Variants in CGAS observed in about 807,000 individuals in gnomAD.
CGAS encodes the protein 2'3'-cGAMP synthase.
A neutral mutation model predicts 34.0 loss-of-function variants in CGAS; 31 were observed. The observed-to-expected ratio is 0.91, with a 90% CI of 0.69 to 1.23. The LOEUF is 1.23. Ranked by LOEUF, CGAS falls within the 50% of genes most tolerant of loss-of-function variation. CGAS has a pLI of 0.00. For missense variants in CGAS, 597 were observed against 657.6 expected, an observed-to-expected ratio of 0.91 and a Z score of 1.01; for synonymous variants, 266 against 260.0, an observed-to-expected ratio of 1.02 and a Z score of -0.22.
In CGAS at chr6:73,451,548, C is replaced by G. The variant is rs369422354; in HGVS notation, c.634G>C (p.Gly212Arg). ...ACCTTCACGTGCTCATAGTAGCTCC[C>G]GGTGTTCAGCAGCCCGACGCCTCTG... ...AFRGVGLLNT[G>R]SYYEHVKISA... Residue 212 changes from glycine to arginine, a missense_variant, in exon 1 of 5, where the codon GGG (glycine) becomes CGG (arginine). Coordinates refer to ENST00000370315, the MANE Select transcript of CGAS (RefSeq NM_138441.3). 9 of 1,587,258 alleles carry G rather than the reference C, an allele frequency of 5.7e-6. No individual in the cohort carries two copies. Among genetic ancestry groups the G allele is most frequent in the Admixed American group, 1.8e-5 (1 of 55,704 alleles).
Position 73,451,973 on chromosome 6 carries a change from T to C in CGAS, c.209A>G (p.Glu70Gly), listed in dbSNP as rs913614476. Reference protein sequence around the residue: ...RQKKSAPDTQERPPVRATGAR... With the variant: ...RQKKSAPDTQGRPPVRATGAR... Reference sequence around the variant, plus strand: ...CCCAGTTGCGCGGACGGGCGGCCTCTCCTGGGTGTCCGGGGCGCTCTTTTT... The same window carrying C: ...CCCAGTTGCGCGGACGGGCGGCCTCCCCTGGGTGTCCGGGGCGCTCTTTTT... The change falls in exon 1 of 5, where the codon GAG becomes GGG. Residue 70 changes from glutamate to glycine, a missense_variant. Physicochemically the swap from Glu to Gly is moderately conservative, Grantham distance 98. Transcript: ENST00000370315. 5.4e-6 allele frequency: 8 copies of C among 1,482,528 alleles called. No homozygotes were observed. Among genetic ancestry groups the C allele is most frequent in the Non-Finnish European group, 7.2e-6 (8 of 1,114,862 alleles). 91.8% of individuals were successfully genotyped at this position (1,482,528 alleles called of 1,614,324 possible).
chr6:73,439,542 A>G (rs1289055479), intron 3 of CGAS, among the ~76,000 whole-genome samples: 1 of 151,930 alleles, frequency 6.6e-6, no homozygotes, highest in African/African-American at 2.4e-5. Flanking sequence ...CTTCAAAAAT[A>G]TCACCATTAT....
At position 73,452,032 on chromosome 6, in the gene CGAS, C is replaced by A. The variant is rs761478616; in HGVS notation, c.150G>T (p.Lys50Asn). The part of the protein sequence containing the change: ...APEAALPKAG[K>N]FGPARKSGSR... ...ATCCCGACTTCCTGGCGGGGCCGAA[C>A]TTTCCCGCCTTAGGCAGGGCGGCCT... The change falls in exon 1 of 5, where the codon AAG (lysine) becomes AAT (asparagine). Residue 50 changes from lysine to asparagine, a missense_variant. Coordinates refer to ENST00000370315, the MANE Select transcript of CGAS (RefSeq NM_138441.3). 3.0e-5 allele frequency: 45 copies of A among 1,494,664 alleles called. No individual in the cohort carries two copies. The highest frequency in any genetic ancestry group is 2.9e-4 in the South Asian group (22 of 76,618). The allele number at this position is 1,494,664 out of a possible 1,614,324, so 92.6% of individuals were successfully genotyped here. A position where few individuals can be genotyped will look rare whatever the true frequency, so the allele number is the denominator to read the frequency against.
chr6:73,438,694 C>CAA lies in CGAS; in HGVS notation c.1114+1513_1114+1514dup, dbSNP rs67479262. 7.3e-3 allele frequency among the ~76,000 whole-genome samples: 857 copies of CAA among 116,648 alleles called. 5 individuals are homozygous for CAA. The highest frequency in any genetic ancestry group is 0.014 in the Middle Eastern group (3 of 220). 76.5% of individuals were successfully genotyped at this position (116,648 alleles called of 152,430 possible). On this transcript the variant is annotated intron_variant, in intron 3 of 4. Coordinates refer to ENST00000370315, the MANE Select transcript of CGAS (RefSeq NM_138441.3). ...TGGGCAACAAAGCAAGAATCCGTCT[C>CAA]AAAAAAAAAAAAAAAAAAGAACTGC...
chr6:73,426,012 C>T (rs751529213), intron 4 of CGAS, among the ~76,000 whole-genome samples: 7 of 145,776 alleles, frequency 4.8e-5, no homozygotes, highest in Non-Finnish European at 9.0e-5. Flanking sequence ...AAGCCGGGCG[C>T]GGTGGCTCAT....
chr6:73,442,439 C>G (rs1419704997), intron 2 of CGAS, among the ~76,000 whole-genome samples: 2 of 150,404 alleles, frequency 1.3e-5, no homozygotes, highest in Non-Finnish European at 3.0e-5. Flanking sequence ...CCCGTTCTGT[C>G]ACCCAGGCTG....
At chr6:73,429,019 C>T (rs1470401476) in intron 3 of CGAS, among the ~76,000 whole-genome samples, 1 of 151,698 alleles carries the variant, frequency 6.6e-6, no homozygotes, top group East Asian at 1.9e-4. Flanking sequence ...AAACCCATCT[C>T]TACCAAAAAT....
chr6:73,446,823 C>T (rs1188680361), intron 1 of CGAS, among the ~76,000 whole-genome samples: 1 of 150,918 alleles, frequency 6.6e-6, no homozygotes, highest in African/African-American at 2.4e-5. Context: ...TTTGGGAGGA[C>T]GAGGCAGGCG....
In CGAS at chr6:73,434,525, C is replaced by T. The variant is rs993209815; in HGVS notation, c.1114+5684G>A. ...CTAGTACTCCTCAAAACTGTTAAAA[C>T]CAAAAAACTGTCACAGTCAAGAGTA... On this transcript the variant is annotated intron_variant, in intron 3 of 4. Transcript: ENST00000370315. 5.9e-5 allele frequency among the ~76,000 whole-genome samples: 9 copies of T among 152,126 alleles called. No homozygotes were observed. The South Asian group carries it at 8.3e-4, about 14-fold the overall frequency.
intron 2 of CGAS, among the ~76,000 whole-genome samples, chr6:73,442,089 T>G (rs1770389094): frequency 6.6e-6 from 1 of 152,108 alleles, no homozygotes; most frequent in Non-Finnish European, 1.5e-5. Context: ...GCCAGGCTGG[T>G]CTTGAACTCT....
At chr6:73,445,203 AAT>A (rs747612161) in intron 2 of CGAS, among the ~76,000 whole-genome samples, 1 of 151,672 alleles carries the variant, frequency 6.6e-6, no homozygotes, top group Non-Finnish European at 1.5e-5. Context: ...TTTATCCATC[AAT>A]TTAATAAATA....
chr6:73,443,398 C>G (rs935296269), intron 2 of CGAS, among the ~76,000 whole-genome samples: 2 of 151,970 alleles, frequency 1.3e-5, no homozygotes. Context: ...GCCACCACGC[C>G]CGGCTAGTTT....
Position 73,425,617 on chromosome 6 carries a change from T to C in CGAS, c.1218-39A>G, listed in dbSNP as rs746540765. On this transcript the variant is annotated intron_variant, in intron 4 of 4. Transcript: ENST00000370315. ...AAGGAAAACACTTATTTTTACTTATTTACATTCAACAAAGGATTTTAGGCA... is the reference window on the plus strand; with the variant it reads ...AAGGAAAACACTTATTTTTACTTATCTACATTCAACAAAGGATTTTAGGCA... The C allele has an allele frequency of 1.0e-5, 14 of 1,368,662 alleles. No homozygotes were observed. The highest frequency in any genetic ancestry group is 1.4e-5 in the Non-Finnish European group (14 of 996,750). 84.8% of individuals were successfully genotyped at this position (1,368,662 alleles called of 1,614,324 possible). A position where few individuals can be genotyped will look rare whatever the true frequency, so the allele number is the denominator to read the frequency against.
At chr6:73,450,312 G>A (rs1770542327) in intron 1 of CGAS, among the ~76,000 whole-genome samples, 1 of 151,780 alleles carries the variant, frequency 6.6e-6, no homozygotes, top group Non-Finnish European at 1.5e-5. Flanking sequence ...CTACTCAGGA[G>A]GCTGAGACAG....
chr6:73,425,680 A>G (rs1473327916), intron 4 of CGAS, 102 bp from the exon 5 acceptor site: 10 of 766,418 alleles, frequency 1.3e-5, no homozygotes, highest in African/African-American at 3.5e-5. Context: ...GATATATAAT[A>G]ACATAAATAT....
chr6:73,446,936 G>C (rs1408032940), intron 1 of CGAS, among the ~76,000 whole-genome samples: 1 of 151,330 alleles, frequency 6.6e-6, no homozygotes, highest in South Asian at 2.1e-4. Context: ...TGCACCTGTA[G>C]TTCCAGCTAC....
intron 3 of CGAS, among the ~76,000 whole-genome samples, chr6:73,432,914 T>G (rs1341451929): frequency 6.6e-6 from 1 of 152,048 alleles, no homozygotes; most frequent in Non-Finnish European, 1.5e-5. Flanking sequence ...TGAAACCCTA[T>G]CTCTACTAAA....
chr6:73,434,711 G>A (rs1237957491), intron 3 of CGAS, among the ~76,000 whole-genome samples: 1 of 151,862 alleles, frequency 6.6e-6, no homozygotes, highest in Non-Finnish European at 1.5e-5. Flanking sequence ...GCAGTGGCAT[G>A]ATCTTGGCTC....
intron 1 of CGAS, among the ~76,000 whole-genome samples, chr6:73,449,952 C>T (rs935409517): frequency 2.0e-5 from 3 of 151,440 alleles, no homozygotes; most frequent in Non-Finnish European, 4.4e-5. Context: ...ACCTAGATGG[C>T]ACCACTGCAC....
Sources: gnomAD v4.1 joint callset for allele counts (sites outside exome capture counted in the v4.1 genomes callset) on GRCh38, gnomAD v4.1.1 for gene constraint, MANE v1.5 for transcripts, NCBI Gene and HGNC (gene_info 2026-07-23, HGNC 2026-07-21) for gene names.